The following TMTC1 variants were observed in gnomAD, a reference collection of about 807,000 sequenced individuals.
TMTC1 encodes the protein protein O-mannosyl-transferase TMTC1.
A neutral mutation model predicts 104.8 loss-of-function variants in TMTC1; 73 were observed. The observed-to-expected ratio is 0.70, with a 90% CI of 0.58 to 0.85. The LOEUF is 0.85. Ranked by LOEUF, TMTC1 falls within the 40% of genes least tolerant of loss-of-function variation. The probability of loss-of-function intolerance (pLI) is 0.00; values close to 1 mark genes in which losing one functional copy is unlikely to be tolerated. For synonymous variants in TMTC1, 434 were observed against 428.7 expected (o/e 1.01, Z -0.15); for missense variants, 1,035 against 1,096.1 (o/e 0.94, Z 0.79).
At position 29,568,360 on chromosome 12, in the gene TMTC1, C is replaced by CA. The variant is rs200007748; in HGVS notation, c.1532+3744dup. ...AAAATGCTCAAAAAGGAAAGAAGTT[C>CA]AAAAAAATCACTGTTGAATTAGATG... On this transcript the variant is annotated intron_variant, in intron 9 of 17. Transcript: ENST00000539277. Among the ~76,000 whole-genome samples, 670 of 151,936 alleles carry CA rather than the reference C, an allele frequency of 4.4e-3. 6 individuals are homozygous for CA. Among genetic ancestry groups the CA allele is most frequent in the African/African-American group, 0.015 (637 of 41,460 alleles).
Position 29,545,629 on chromosome 12 carries a change from TCACACACACA to T in TMTC1, c.1677-9322_1677-9313del, listed in dbSNP as rs55958433. Among the ~76,000 whole-genome samples the T allele has an allele frequency of 7.3e-3, 540 of 73,568 alleles. 8 individuals are homozygous for T. The highest frequency in any genetic ancestry group is 0.023 in the African/African-American group (407 of 17,518). The allele number at this position is 73,568 out of a possible 152,430, so 48.3% of individuals were successfully genotyped here. ...GTCTGGGCAACAGAGCAAGACTCTG[TCACACACACA>T]CACACACACACACACACACACACAC... is the stretch of plus-strand genomic sequence containing the variant. On this transcript the variant is annotated intron_variant, in intron 10 of 17. Coordinates refer to ENST00000539277, the MANE Select transcript of TMTC1 (RefSeq NM_001193451.2).
intron 7 of TMTC1, among the ~76,000 whole-genome samples, chr12:29,601,606 T>C (rs955819593): frequency 2.0e-5 from 3 of 151,410 alleles, no homozygotes; most frequent in African/African-American, 4.8e-5. Context: ...AGCAATATAG[T>C]CTGGAAGGTA....
intron 5 of TMTC1, among the ~76,000 whole-genome samples, chr12:29,642,024 C>G (rs1938876564): frequency 6.6e-6 from 1 of 151,948 alleles, no homozygotes; most frequent in Non-Finnish European, 1.5e-5. Flanking sequence ...CGAATTAATC[C>G]AATCCAACAA....
intron 5 of TMTC1, among the ~76,000 whole-genome samples, chr12:29,748,788 G>C (rs1943018147): frequency 6.6e-6 from 1 of 152,158 alleles, no homozygotes; most frequent in African/African-American, 2.4e-5. Context: ...AGCTGACAAA[G>C]TTTTAGGAAT....
At chr12:29,576,469 G>T (rs1393457784) in intron 8 of TMTC1, among the ~76,000 whole-genome samples, 1 of 152,152 alleles carries the variant, frequency 6.6e-6, no homozygotes, top group Non-Finnish European at 1.5e-5. Context: ...AAGAGATACT[G>T]CCATTTGCAA....
chr12:29,516,619 G>T, intron 14 of TMTC1, 133 bp from the exon 15 acceptor site: 2 of 1,092,140 alleles, frequency 1.8e-6, no homozygotes, highest in Non-Finnish European at 2.5e-6. Context: ...CATAGAGAAG[G>T]CTGAATCACC....
intron 17 of TMTC1, among the ~76,000 whole-genome samples, chr12:29,508,337 A>G: frequency 6.6e-6 from 1 of 152,244 alleles, no homozygotes; most frequent in East Asian, 1.9e-4. Flanking sequence ...TGTCTTCCAA[A>G]TGTCTTCTGA....
At chr12:29,727,006 T>C (rs1378138423) in intron 5 of TMTC1, among the ~76,000 whole-genome samples, 1 of 152,236 alleles carries the variant, frequency 6.6e-6, no homozygotes, top group Non-Finnish European at 1.5e-5. Flanking sequence ...GGGGTATAAC[T>C]CTGCTGCTCT....
intron 5 of TMTC1, among the ~76,000 whole-genome samples, chr12:29,719,457 A>T (rs1201587070): frequency 6.6e-6 from 1 of 152,206 alleles, no homozygotes; most frequent in African/African-American, 2.4e-5. Flanking sequence ...AATTCAAGGT[A>T]TAAAACCTTA....
intron 10 of TMTC1, among the ~76,000 whole-genome samples, chr12:29,536,675 G>A (rs575974450): frequency 6.6e-6 from 1 of 152,298 alleles, no homozygotes; most frequent in African/African-American, 2.4e-5. Flanking sequence ...TGGCATGAGA[G>A]CCAATTTACA....
intron 10 of TMTC1, among the ~76,000 whole-genome samples, chr12:29,544,647 G>A (rs1271008347): frequency 6.6e-6 from 1 of 152,182 alleles, no homozygotes; most frequent in African/African-American, 2.4e-5. Context: ...GGCGGGCTGG[G>A]ATAAACTAGT....
In TMTC1 at chr12:29,601,838, C is replaced by CT. The variant is rs546200177; in HGVS notation, c.1250+2339dup. Among the ~76,000 whole-genome samples the CT allele has an allele frequency of 2.3e-3, 321 of 137,382 alleles. 1 individual carries two copies. Among genetic ancestry groups the CT allele is most frequent in the Middle Eastern group, 3.7e-3 (1 of 270 alleles). 90.1% of individuals were successfully genotyped at this position (137,382 alleles called of 152,430 possible). On this transcript the variant is annotated intron_variant, in intron 7 of 17. Transcript: ENST00000539277. ...TTCTAAGTTTTATATATAATCATCT[C>CT]TTTTTTTTTTTTTTTTTTAGACGGA...
intron 5 of TMTC1, among the ~76,000 whole-genome samples, chr12:29,669,146 T>C (rs1390856222): frequency 1.3e-5 from 2 of 151,926 alleles, no homozygotes; most frequent in Admixed American, 6.6e-5. Context: ...CTGAGGAAGA[T>C]GAGAAGTGAA....
chr12:29,773,283 G>A (rs919578468), intron 1 of TMTC1, among the ~76,000 whole-genome samples: 4 of 152,084 alleles, frequency 2.6e-5, no homozygotes, highest in Non-Finnish European at 4.4e-5. Context: ...GCACCAAAGG[G>A]GGTTGTGGGG....
chr12:29,517,839 T>A (rs299434), intron 13 of TMTC1, among the ~76,000 whole-genome samples: 3 of 151,920 alleles, frequency 2.0e-5, no homozygotes, highest in Non-Finnish European at 2.9e-5. Flanking sequence ...CTCAGCCTCC[T>A]GAGTAGCAGG....
intron 5 of TMTC1, among the ~76,000 whole-genome samples, chr12:29,742,602 A>G (rs11050420): frequency 0.057 from 8,607 of 152,298 alleles, 346 homozygotes; most frequent in Non-Finnish European, 0.089. Context: ...TTTGCTTTTC[A>G]ACCTAATTAT....
chr12:29,640,344 G>A (rs1015323879), intron 5 of TMTC1, among the ~76,000 whole-genome samples: 2 of 152,074 alleles, frequency 1.3e-5, no homozygotes, highest in Non-Finnish European at 2.9e-5. Context: ...AGCGAGGGGG[G>A]GCTCACATTG....
chr12:29,670,999 T>C (rs1026892937), intron 5 of TMTC1, among the ~76,000 whole-genome samples: 10 of 143,024 alleles, frequency 7.0e-5, no homozygotes, highest in Admixed American at 1.4e-4. Flanking sequence ...ATTTAAGAAA[T>C]TATCAAAAAG....
chr12:29,678,851 G>GA (rs142085564), intron 5 of TMTC1, among the ~76,000 whole-genome samples: 49 of 150,382 alleles, frequency 3.3e-4, no homozygotes, highest in African/African-American at 1.0e-3. Context: ...CCATGAAATG[G>GA]AAAAAAAAAT....
Sources: allele counts gnomAD v4.1 joint callset (sites outside exome capture counted in the v4.1 genomes callset), GRCh38; gene constraint gnomAD v4.1.1; transcripts MANE v1.5; gene names NCBI Gene and HGNC (gene_info 2026-07-23, HGNC 2026-07-21).